Variants in IDE observed in about 807,000 individuals in gnomAD.
The protein encoded by IDE is insulin-degrading enzyme.
IDE carries 58 observed loss-of-function variants against 133.2 expected under a neutral mutation model. The observed-to-expected ratio is 0.44, with a 90% confidence interval of 0.35 to 0.54. The LOEUF is 0.54. Ranked by LOEUF, IDE falls within the 20% of genes least tolerant of loss-of-function variation. The pLI is 0.00. For synonymous variants in IDE, 396 were observed against 421.3 expected, an observed-to-expected ratio of 0.94 and a Z score of 0.73; for missense variants, 981 against 1,234.0, an observed-to-expected ratio of 0.79 and a Z score of 3.07.
chr10:92,469,090 C>A (rs775615358), intron 18 of IDE, 100 bp from the exon 19 acceptor site: 35 of 677,590 alleles, frequency 5.2e-5, no homozygotes, highest in Non-Finnish European at 8.9e-5. Context: ...ATTCTAAAAC[C>A]TTAAATATAT....
rs771152795 is a variant in IDE at position 92,468,905 on chromosome 10, C to T, written c.2294G>A (p.Arg765Gln). Reference sequence around the variant, plus strand: ...GTCAGGGAGCTGAACTTCTCTATACCGAACCAGCTGACTTGGAAGGAGAGG... The same window carrying T: ...GTCAGGGAGCTGAACTTCTCTATACTGAACCAGCTGACTTGGAAGGAGAGG... Reference protein sequence around the residue: ...TKPLLPSQLVRYREVQLPDRG... With the variant: ...TKPLLPSQLVQYREVQLPDRG... The change falls in exon 19 of 25, where the codon CGG (arginine) becomes CAG (glutamine). Residue 765 changes from arginine (R) to glutamine (Q), a missense_variant. By Grantham distance (43) the Arg-to-Gln change is conservative. This residue lies in a region of IDE where 660 missense variants were observed against 894.7 expected (regional missense o/e 0.74). Transcript: ENST00000265986. 21 of 1,609,258 alleles carry T rather than the reference C, an allele frequency of 1.3e-5. No homozygotes were observed. The highest frequency in any genetic ancestry group is 4.4e-5 in the South Asian group (4 of 90,972).
At chr10:92,544,471 G>A (rs1045361276) in intron 1 of IDE, among the ~76,000 whole-genome samples, 3 of 152,162 alleles carry the variant, frequency 2.0e-5, no homozygotes, top group African/African-American at 7.2e-5. Context: ...AAAGATAAGT[G>A]GTTAAGTGAC....
At chr10:92,471,614 C>G (rs1440206936) in intron 17 of IDE, among the ~76,000 whole-genome samples, 2 of 152,084 alleles carry the variant, frequency 1.3e-5, no homozygotes, top group Non-Finnish European at 2.9e-5. Context: ...ATACTTACCC[C>G]CTTGTCTCTC....
intron 1 of IDE, 122 bp downstream of exon 1, chr10:92,573,800 G>C: frequency 2.9e-6 from 2 of 691,170 alleles, no homozygotes; most frequent in Non-Finnish European, 4.4e-6. Flanking sequence ...CCAGGCCGGC[G>C]GGACGGGCGG....
rs141654608 is a variant in IDE, at chr10:92,552,922, G to A, written c.99-15372C>T. 3.3e-3 allele frequency among the ~76,000 whole-genome samples: 488 copies of A among 146,686 alleles called. 3 individuals are homozygous for A. Among genetic ancestry groups the A allele is most frequent in the Non-Finnish European group, 5.1e-3 (342 of 67,416 alleles). ...AACTAAGTGATTGATTCAAGGGCTA[G>A]GGCAAGAAAAATATGAGTCTAGAAC... On this transcript the variant is annotated intron_variant, in intron 1 of 24. Transcript: ENST00000265986.
intron 1 of IDE, among the ~76,000 whole-genome samples, chr10:92,567,046 C>T (rs1046622470): frequency 6.6e-6 from 1 of 152,130 alleles, no homozygotes; most frequent in Non-Finnish European, 1.5e-5. Flanking sequence ...AGTCCCTGAG[C>T]TACCAATCTA....
At chr10:92,548,763 A>T (rs965825324) in intron 1 of IDE, among the ~76,000 whole-genome samples, 1 of 152,202 alleles carries the variant, frequency 6.6e-6, no homozygotes, top group Non-Finnish European at 1.5e-5. Context: ...CCAGGTAAAT[A>T]ATTATCCCTT....
At chr10:92,535,600 C>T (rs374218511) in intron 2 of IDE, among the ~76,000 whole-genome samples, 1 of 152,140 alleles carries the variant, frequency 6.6e-6, no homozygotes, top group African/African-American at 2.4e-5. Context: ...ATGCAAATCA[C>T]CCTGGTAGTC....
chr10:92,457,030 C>T (rs1188506718), intron 22 of IDE, among the ~76,000 whole-genome samples: 1 of 151,736 alleles, frequency 6.6e-6, no homozygotes, highest in Non-Finnish European at 1.5e-5. Flanking sequence ...CCCAATTTTA[C>T]AGATGAGAAA....
intron 2 of IDE, 94 bp from the exon 3 acceptor site, chr10:92,534,879 CA>C: frequency 1.2e-6 from 1 of 818,578 alleles, no homozygotes; most frequent in Non-Finnish European, 2.0e-6. Context: ...ATGACAACTC[CA>C]ACTATATAAT....
chr10:92,456,881 A>G (rs1299097348), intron 22 of IDE, among the ~76,000 whole-genome samples: 1 of 150,878 alleles, frequency 6.6e-6, no homozygotes, highest in Non-Finnish European at 1.5e-5. Context: ...AAAGAAAAAG[A>G]AAAAGAAAAG....
intron 22 of IDE, among the ~76,000 whole-genome samples, chr10:92,458,642 C>T (rs1204525450): frequency 1.3e-5 from 2 of 151,922 alleles, no homozygotes; most frequent in Non-Finnish European, 2.9e-5. Flanking sequence ...GCTGGGATTA[C>T]AGGCGTGCAC....
At chr10:92,490,342 C>T in intron 12 of IDE, 151 bp downstream of exon 12, 2 of 644,282 alleles carry the variant, frequency 3.1e-6, no homozygotes, top group Non-Finnish European at 2.8e-6. Context: ...AACTCCAGCT[C>T]CCTATCTACT....
chr10:92,560,938 A>C (rs1490072742), intron 1 of IDE, among the ~76,000 whole-genome samples: 1 of 151,978 alleles, frequency 6.6e-6, no homozygotes, highest in Non-Finnish European at 1.5e-5. Flanking sequence ...GTTCTAGACA[A>C]TAAGGCGAAC....
intron 1 of IDE, among the ~76,000 whole-genome samples, chr10:92,545,682 G>C (rs556628226): frequency 1.3e-5 from 2 of 152,316 alleles, no homozygotes; most frequent in South Asian, 4.1e-4. Context: ...CATGAAGTTG[G>C]TGTGACAGAT....
chr10:92,516,001 C>A (rs1848902945), intron 4 of IDE, among the ~76,000 whole-genome samples: 1 of 151,196 alleles, frequency 6.6e-6, no homozygotes, highest in South Asian at 2.1e-4. Flanking sequence ...GAAACACCGT[C>A]TCTACTAAAA....
At chr10:92,502,276 G>A (rs1247239675) in intron 11 of IDE, among the ~76,000 whole-genome samples, 2 of 152,272 alleles carry the variant, frequency 1.3e-5, no homozygotes, top group African/African-American at 4.8e-5. Context: ...ACTATAGTAT[G>A]CTTCTCCATT....
At chr10:92,572,147 C>T (rs78300408) in intron 1 of IDE, among the ~76,000 whole-genome samples, 5,128 of 152,280 alleles carry the variant, frequency 0.034, 139 homozygotes, top group Admixed American at 0.06. Context: ...GTAATTTTAA[C>T]TAGAACATAC....
chr10:92,548,136 G>A (rs980370201), intron 1 of IDE, among the ~76,000 whole-genome samples: 2 of 151,866 alleles, frequency 1.3e-5, no homozygotes, highest in Non-Finnish European at 2.9e-5. Context: ...AAGGCAGGCC[G>A]ATCACCTGAG....
Sources: allele counts gnomAD v4.1 joint callset (sites outside exome capture counted in the v4.1 genomes callset), GRCh38; gene constraint gnomAD v4.1.1; regional missense constraint gnomAD v4.1.1; transcripts MANE v1.5; gene names NCBI Gene and HGNC (gene_info 2026-07-23, HGNC 2026-07-21).